Variants in LOXL2 observed in about 807,000 individuals in gnomAD.
LOXL2 encodes lysyl oxidase like 2.
A neutral mutation model predicts 93.0 loss-of-function variants in LOXL2; 70 were observed. The observed-to-expected ratio is 0.75, with a 90% CI of 0.62 to 0.92. The LOEUF is 0.92. Among genes scored for constraint, LOXL2 ranks in the 40% least tolerant of loss-of-function variants. LOXL2 has a pLI of 0.00. For synonymous variants in LOXL2, 438 were observed against 413.2 expected (o/e 1.06, Z -0.73); for missense variants, 973 against 1,054.9 (o/e 0.92, Z 1.08).
intron 9 of LOXL2, among the ~76,000 whole-genome samples, chr8:23,311,912 TC>T (rs1317033269): frequency 6.6e-6 from 1 of 152,162 alleles, no homozygotes; most frequent in Non-Finnish European, 1.5e-5. Flanking sequence ...TTTTAGTTTT[TC>T]TCTGAAGGAG....
At chr8:23,303,014 C>A (rs1803166103) in intron 11 of LOXL2, among the ~76,000 whole-genome samples, 1 of 152,118 alleles carries the variant, frequency 6.6e-6, no homozygotes, top group Admixed American at 6.5e-5. Flanking sequence ...GGAGCAGGGT[C>A]CCCAGAGTCT....
chr8:23,332,116 T>C (rs1299701900), intron 5 of LOXL2: 1 of 151,124 alleles, frequency 6.6e-6, no homozygotes, highest in Non-Finnish European at 1.5e-5. Flanking sequence ...GCTGTTACTT[T>C]ATATGGGAAG....
At chr8:23,325,775 T>C (rs10087348) in intron 6 of LOXL2, among the ~76,000 whole-genome samples, 109,769 of 152,164 alleles carry the variant, frequency 0.72, 39,768 homozygotes, top group Middle Eastern at 0.76. Flanking sequence ...TCATGTGGCA[T>C]GCAGCCTTGC....
chr8:23,335,693 A>G (rs1406297607), intron 4 of LOXL2, among the ~76,000 whole-genome samples: 1 of 152,054 alleles, frequency 6.6e-6, no homozygotes, highest in African/African-American at 2.4e-5. Flanking sequence ...TGCCAGAAGG[A>G]GCCAGCAGAG....
chr8:23,357,051 C>T (rs1804212552), intron 3 of LOXL2, among the ~76,000 whole-genome samples: 1 of 151,956 alleles, frequency 6.6e-6, no homozygotes, highest in East Asian at 1.9e-4. Context: ...AAGTCGTCTC[C>T]AACATATTTT....
chr8:23,378,755 G>T (rs564131209), intron 1 of LOXL2, among the ~76,000 whole-genome samples: 3 of 152,034 alleles, frequency 2.0e-5, no homozygotes, highest in African/African-American at 4.8e-5. Flanking sequence ...TTGTGCATTC[G>T]TCACGTAGTT....
In LOXL2 at chr8:23,346,105, A is replaced by ATTAAATTAAAT. The variant is rs1563197364; in HGVS notation, c.532-4903_532-4902insATTTAATTTAA. Among the ~76,000 whole-genome samples the ATTAAATTAAAT allele has an allele frequency of 4.5e-4, 46 of 103,072 alleles. 1 individual carries two copies. The highest frequency in any genetic ancestry group is 1.5e-3 in the African/African-American group (31 of 20,296). The allele number at this position is 103,072 out of a possible 152,430, so 67.6% of individuals were successfully genotyped here. ...AAATAATAAAATAAAATAAAATAAA[A>ATTAAATTAAAT]TAAAATAAAATTAAAATAAAATAAA... is the stretch of plus-strand genomic sequence containing the variant. On this transcript the variant is annotated intron_variant, in intron 3 of 13. Transcript: ENST00000389131.
At chr8:23,301,911 G>A in intron 12 of LOXL2, 116 bp downstream of exon 12, 3 of 1,292,942 alleles carry the variant, frequency 2.3e-6, no homozygotes, top group East Asian at 2.5e-5. Context: ...GTAGCACCTT[G>A]CCCTTTAGAC....
At position 23,346,817 on chromosome 8, in the gene LOXL2, C is replaced by T. The variant is rs146264745; in HGVS notation, c.532-5614G>A. Among the ~76,000 whole-genome samples the T allele has an allele frequency of 5.8e-4, 89 of 152,320 alleles. No individual in the cohort carries two copies. The East Asian group carries it at 0.017, about 28-fold the overall frequency. On this transcript the variant is annotated intron_variant, in intron 3 of 13. Transcript: ENST00000389131. The stretch of plus-strand genomic sequence containing the variant: ...AGTCATAATTTAATATCAGCCCAGG[C>T]TTTCTGACCTGAGAAGTCATCCTGA...
At chr8:23,386,012 C>T (rs748060311) in intron 1 of LOXL2, 1 of 765,114 alleles carries the variant, frequency 1.3e-6, no homozygotes, top group Non-Finnish European at 2.4e-6. Context: ...TTGGACAACC[C>T]CCTGAGCAAG....
rs1346211357 is a variant in LOXL2 at position 23,333,414 on chromosome 8, G to A, written c.953C>T (p.Ala318Val). 8.1e-6 allele frequency: 13 copies of A among 1,613,686 alleles called. No individual in the cohort carries two copies. The highest frequency in any genetic ancestry group is 4.0e-5 in the African/African-American group (3 of 74,926). Reference sequence around the variant, plus strand: ...CCCCGTCCTCACCTCTGGCTTGTACGCTTTCCGGAATCTTGAGGGTCCGTC... The same window carrying A: ...CCCCGTCCTCACCTCTGGCTTGTACACTTTCCGGAATCTTGAGGGTCCGTC... ...SPDGPSRFRK[A>V]YKPEQPLVRL... The change falls in exon 5 of 14, where the codon GCG becomes GTG. Residue 318 changes from alanine (A) to valine (V), a missense_variant. Coordinates refer to ENST00000389131, the MANE Select transcript of LOXL2 (RefSeq NM_002318.3).
intron 10 of LOXL2, among the ~76,000 whole-genome samples, chr8:23,305,983 G>T (rs1271717364): frequency 6.6e-6 from 1 of 151,996 alleles, no homozygotes; most frequent in Admixed American, 6.6e-5. Context: ...GCAAATTTTT[G>T]TATTTTTAGT....
intron 3 of LOXL2, among the ~76,000 whole-genome samples, chr8:23,348,159 G>C (rs1804024182): frequency 6.7e-6 from 1 of 149,064 alleles, no homozygotes; most frequent in South Asian, 2.1e-4. Context: ...CACAAGGACA[G>C]AAAACCAAAC....
Position 23,322,204 on chromosome 8 carries a change from C to G in LOXL2, c.1228G>C (p.Glu410Gln), listed in dbSNP as rs558284783. 1.2e-6 allele frequency: 2 copies of G among 1,614,006 alleles called. No homozygotes were observed. Among genetic ancestry groups the G allele is most frequent in the African/African-American group, 2.7e-5 (2 of 74,934 alleles). The change falls in exon 7 of 14, where the codon GAG (glutamate) becomes CAG (glutamine). Residue 410 changes from glutamate (E) to glutamine (Q), a missense_variant. Coordinates refer to ENST00000389131, the MANE Select transcript of LOXL2 (RefSeq NM_002318.3). Reference protein sequence around the residue: ...KSIIDCKFNAESQGCNHEEDA... With the variant: ...KSIIDCKFNAQSQGCNHEEDA... ...TCCTCGTGGTTGCAGCCCTGAGACT[C>G]GGCATTGAACTTGCAGTCTATAATG... is the stretch of plus-strand genomic sequence containing the variant.
chr8:23,360,582 C>T lies in LOXL2; in HGVS notation c.356-317G>A, dbSNP rs1204693939. ...GGGTACCAAGCTGGGTTTGAGTTCT[C>T]GTTCAGCCACTTAGCTGTATAACCT... On this transcript the variant is annotated intron_variant, in intron 2 of 13. Transcript: ENST00000389131. Among the ~76,000 whole-genome samples, 6 of 152,102 alleles carry T rather than the reference C, an allele frequency of 3.9e-5. No individual in the cohort carries two copies. The South Asian group carries it at 6.2e-4, about 16-fold the overall frequency.
chr8:23,373,954 ATTTC>A (rs1201539356), intron 1 of LOXL2, among the ~76,000 whole-genome samples: 1 of 151,852 alleles, frequency 6.6e-6, no homozygotes, highest in Non-Finnish European at 1.5e-5. Context: ...GTCTTGCAAC[ATTTC>A]TTTTTTTATA....
In LOXL2 at chr8:23,368,198, T is replaced by G; in HGVS notation, c.154A>C (p.Asn52His). Residue 52 changes from asparagine to histidine, a missense_variant, in exon 2 of 14, where the codon AAC becomes CAC. Transcript: ENST00000389131. ...AGGCGCAGCTGAATCTTGGCCACGT[T>G]GGCGGGGGCCTGGGGCTGGTGATAC... is the stretch of plus-strand genomic sequence containing the variant. ...PEYHQPQAPA[N>H]VAKIQLRLAG... is the part of the protein sequence containing the mutation. 6.2e-7 allele frequency: 1 copy of G among 1,614,028 alleles called. No homozygotes were observed.
intron 3 of LOXL2, among the ~76,000 whole-genome samples, chr8:23,355,558 C>A (rs1445881100): frequency 9.0e-6 from 1 of 110,642 alleles, no homozygotes; most frequent in Non-Finnish European, 1.7e-5. Flanking sequence ...CTATCATACT[C>A]TTGGCTGATA....
At chr8:23,304,331 G>A (rs980823962) in intron 10 of LOXL2, among the ~76,000 whole-genome samples, 2 of 152,222 alleles carry the variant, frequency 1.3e-5, no homozygotes, top group African/African-American at 2.4e-5. Context: ...AATAAACAAG[G>A]GAAACGGGGC....
Sources: allele counts gnomAD v4.1 joint callset (sites outside exome capture counted in the v4.1 genomes callset), GRCh38; gene constraint gnomAD v4.1.1; transcripts MANE v1.5; gene names NCBI Gene and HGNC (gene_info 2026-07-23, HGNC 2026-07-21).